EPHX4: variants seen among roughly 807,000 people sequenced by gnomAD.
EPHX4 encodes epoxide hydrolase 4.
Under a neutral mutation model 44.9 loss-of-function variants are expected in EPHX4, and 31 were observed. The observed-to-expected ratio is 0.69, with a 90% CI of 0.52 to 0.93. The LOEUF is 0.93. EPHX4 is among the 40% of genes least tolerant of loss of function. The pLI, the probability that EPHX4 is intolerant of heterozygous loss-of-function variation, is 0.00. For synonymous variants in EPHX4, 151 were observed against 159.7 expected (o/e 0.95, Z 0.41); for missense variants, 373 against 438.1 (o/e 0.85, Z 1.33).
chr1:92,060,479 AT>A (rs1345988688), intron 6 of EPHX4, among the ~76,000 whole-genome samples: 2 of 152,006 alleles, frequency 1.3e-5, no homozygotes, highest in East Asian at 3.9e-4. Context: ...TAATTTAAAA[AT>A]AAAATAATTA....
chr1:92,042,313 C>T (rs1378328752), intron 2 of EPHX4, among the ~76,000 whole-genome samples: 1 of 152,130 alleles, frequency 6.6e-6, no homozygotes, highest in Non-Finnish European at 1.5e-5. Flanking sequence ...GGTAAAAAGA[C>T]AAAATAATTC....
intron 6 of EPHX4, among the ~76,000 whole-genome samples, chr1:92,055,483 A>AAT (rs1010092224): frequency 5.3e-5 from 8 of 152,128 alleles, no homozygotes; most frequent in East Asian, 3.9e-4. Flanking sequence ...CAAACTTACA[A>AAT]ATATATATAT....
intron 1 of EPHX4, 30 bp from the exon 2 acceptor site, chr1:92,032,475 T>C: frequency 6.5e-7 from 1 of 1,530,738 alleles, no homozygotes; most frequent in Non-Finnish European, 9.0e-7. Context: ...AACACAAACA[T>C]CACTAAAATT....
At chr1:92,030,826 G>A (rs1688349439) in intron 1 of EPHX4, among the ~76,000 whole-genome samples, 2 of 152,126 alleles carry the variant, frequency 1.3e-5, no homozygotes, top group Admixed American at 1.3e-4. Context: ...GACGACTTAG[G>A]TTGCATGAAA....
chr1:92,035,610 T>TTTTTTA (rs1206584785), intron 2 of EPHX4, among the ~76,000 whole-genome samples: 1 of 152,224 alleles, frequency 6.6e-6, no homozygotes, highest in Admixed American at 6.5e-5. Flanking sequence ...AGGCACTCTC[T>TTTTTTA]TTTTTATTTT....
chr1:92,041,912 G>C (rs1688513638), intron 2 of EPHX4, among the ~76,000 whole-genome samples: 2 of 152,146 alleles, frequency 1.3e-5, no homozygotes, highest in African/African-American at 4.8e-5. Context: ...AGCCAGGTGT[G>C]GTGGCACATG....
chr1:92,061,927 G>A (rs1647506186), intron 6 of EPHX4, among the ~76,000 whole-genome samples: 4 of 152,182 alleles, frequency 2.6e-5, no homozygotes, highest in Middle Eastern at 3.4e-3. Flanking sequence ...GAAAGTATAG[G>A]CCATGTGTGC....
In EPHX4 at chr1:92,050,304, AT is replaced by A; in HGVS notation, c.605-9del. 1 of 1,540,990 alleles carries A rather than the reference AT, an allele frequency of 6.5e-7. No individual in the cohort carries two copies. The highest frequency in any genetic ancestry group is 8.9e-7 in the Non-Finnish European group (1 of 1,120,726). ...CCCCTTGGATAAGGTCTAACATGGC[AT>A]TTTAATTTCAGAATATATTTTACGA... On this transcript the variant is annotated splice_polypyrimidine_tract_variant and intron_variant, in intron 4 of 6. Coordinates refer to ENST00000370383, the MANE Select transcript of EPHX4 (RefSeq NM_173567.5).
In EPHX4 at chr1:92,030,063, C is replaced by A; in HGVS notation, c.-17C>A. 1 of 1,559,444 alleles carries A rather than the reference C, an allele frequency of 6.4e-7. No individual in the cohort carries two copies. Among genetic ancestry groups the A allele is most frequent in the Non-Finnish European group, 8.7e-7 (1 of 1,155,894 alleles). ...CCGCTCCCGAGGAAGGGCAGTGGGCCCCGCCGCCGCCTCCCAATGGCGAGG... is the reference window on the plus strand; with the variant it reads ...CCGCTCCCGAGGAAGGGCAGTGGGCACCGCCGCCGCCTCCCAATGGCGAGG... On this transcript the variant is annotated 5_prime_UTR_variant, in exon 1 of 7. Transcript: ENST00000370383.
At chr1:92,053,411 A>T (rs1247283257) in intron 6 of EPHX4, among the ~76,000 whole-genome samples, 2 of 152,142 alleles carry the variant, frequency 1.3e-5, no homozygotes, top group African/African-American at 4.8e-5. Context: ...CATATGAAGG[A>T]TGTAAAAGCC....
intron 3 of EPHX4, among the ~76,000 whole-genome samples, chr1:92,044,213 AAATG>A (rs1463074719): frequency 2.6e-5 from 4 of 152,140 alleles, no homozygotes; most frequent in Non-Finnish European, 5.9e-5. Context: ...AGGGGAAAAA[AAATG>A]AATGGGGTCT....
chr1:92,061,433 T>C (rs1647492000), intron 6 of EPHX4, among the ~76,000 whole-genome samples: 1 of 152,138 alleles, frequency 6.6e-6, no homozygotes, highest in Non-Finnish European at 1.5e-5. Context: ...TCCTTCTTAA[T>C]CAATAGGAGT....
At chr1:92,036,435 G>A (rs576446321) in intron 2 of EPHX4, among the ~76,000 whole-genome samples, 84 of 152,296 alleles carry the variant, frequency 5.5e-4, no homozygotes, top group African/African-American at 1.9e-3. Flanking sequence ...AAACAGCCTA[G>A]GAGGGGGTCC....
At chr1:92,037,829 A>G (rs1458122174) in intron 2 of EPHX4, among the ~76,000 whole-genome samples, 2 of 152,236 alleles carry the variant, frequency 1.3e-5, no homozygotes, top group Non-Finnish European at 2.9e-5. Context: ...AATGTGGATG[A>G]AAATAGTTTT....
At chr1:92,044,267 A>G (rs1195592601) in intron 3 of EPHX4, among the ~76,000 whole-genome samples, 3 of 152,216 alleles carry the variant, frequency 2.0e-5, no homozygotes, top group Non-Finnish European at 4.4e-5. Flanking sequence ...GTCTGATTAC[A>G]GTAAAAGAGA....
intron 5 of EPHX4, among the ~76,000 whole-genome samples, chr1:92,050,661 C>T (rs187677313): frequency 2.0e-5 from 3 of 151,722 alleles, no homozygotes; most frequent in Admixed American, 1.3e-4. Context: ...TCTTAGAGAA[C>T]GTCTCATAGG....
intron 4 of EPHX4, among the ~76,000 whole-genome samples, chr1:92,050,080 C>T (rs1647222676): frequency 6.6e-6 from 1 of 151,552 alleles, no homozygotes; most frequent in Non-Finnish European, 1.5e-5. Flanking sequence ...GCCTGGGCAA[C>T]AGAGCAAGAC....
At position 92,030,052 on chromosome 1, in the gene EPHX4, G is replaced by A. The variant is rs1688329952; in HGVS notation, c.-28G>A. The A allele has an allele frequency of 2.0e-6, 3 of 1,523,602 alleles. No individual in the cohort carries two copies. Among genetic ancestry groups the A allele is most frequent in the South Asian group, 1.2e-5 (1 of 81,772 alleles). The allele number at this position is 1,523,602 out of a possible 1,614,324, so 94.4% of individuals were successfully genotyped here. A position where few individuals can be genotyped will look rare whatever the true frequency, so the allele number is the denominator to read the frequency against. ...CGCTCGCTCACCCGCTCCCGAGGAAGGGCAGTGGGCCCCGCCGCCGCCTCC... is the reference window on the plus strand; with the variant it reads ...CGCTCGCTCACCCGCTCCCGAGGAAAGGCAGTGGGCCCCGCCGCCGCCTCC... On this transcript the variant is annotated 5_prime_UTR_variant, in exon 1 of 7. Transcript: ENST00000370383.
At chr1:92,034,160 C>T (rs1688402576) in intron 2 of EPHX4, among the ~76,000 whole-genome samples, 2 of 149,902 alleles carry the variant, frequency 1.3e-5, no homozygotes, top group Non-Finnish European at 3.0e-5. Flanking sequence ...ATTAGCTGTG[C>T]TTGGTGGCAG....
Sources: gnomAD v4.1 joint callset for allele counts (sites outside exome capture counted in the v4.1 genomes callset) on GRCh38, gnomAD v4.1.1 for gene constraint, MANE v1.5 for transcripts, NCBI Gene and HGNC (gene_info 2026-07-23, HGNC 2026-07-21) for gene names.